Variants in ABCB11 observed in about 807,000 individuals in gnomAD.
ABCB11 encodes bile salt export pump.
Under a neutral mutation model 148.0 loss-of-function variants are expected in ABCB11, and 95 were observed. That is an observed-to-expected ratio of 0.64 (90% CI 0.54 to 0.76). The LOEUF (loss-of-function observed/expected upper bound fraction) is 0.76, where lower values mean the gene tolerates loss of function less well. Ranked by LOEUF, ABCB11 falls within the 30% of genes least tolerant of loss-of-function variation. The pLI is 0.00. For synonymous variants in ABCB11, 591 were observed against 555.4 expected, an observed-to-expected ratio of 1.06 and a Z score of -0.90; for missense variants, 1,523 against 1,617.8, an observed-to-expected ratio of 0.94 and a Z score of 1.01.
Position 168,993,761 on chromosome 2 carries a change from T to C in ABCB11, c.733A>G (p.Ile245Val), listed in dbSNP as rs370060847. 1 of 1,610,474 alleles carries C rather than the reference T, an allele frequency of 6.2e-7. No individual in the cohort carries two copies. The highest frequency in any genetic ancestry group is 8.5e-7 in the Non-Finnish European group (1 of 1,178,204). ...FFRGWKLTLV[I>V]ISVSPLIGIG... ...CCAATGAGAGGGCTGACAGAAATAATAACCAAGGTCAGTTTCCAACCCCTG... is the reference window on the plus strand; with the variant it reads ...CCAATGAGAGGGCTGACAGAAATAACAACCAAGGTCAGTTTCCAACCCCTG... The change falls in exon 8 of 28, where the codon ATT becomes GTT. Residue 245 changes from isoleucine (I) to valine (V), a missense_variant. Ile to Val is a conservative substitution (Grantham distance 29, BLOSUM62 3). Transcript: ENST00000650372.
rs769843373 is a variant in ABCB11 at position 168,973,716 on chromosome 2, A to G, written c.1433T>C (p.Met478Thr). The change falls in exon 13 of 28, where the codon ATG (methionine) becomes ACG (threonine). Residue 478 changes from methionine (M) to threonine (T), a missense_variant and splice_region_variant. By Grantham distance (81) the Met-to-Thr change is moderately conservative (BLOSUM62 -1). Transcript: ENST00000650372. ...IQRFYDPCEG[M>T]VTVDGHDIRS... ...GAGGAGTTTCTGGAAGACACCCACCATTCCTTCACAGGGGTCATAGAATCG... is the reference window on the plus strand; with the variant it reads ...GAGGAGTTTCTGGAAGACACCCACCGTTCCTTCACAGGGGTCATAGAATCG... 9 of 1,611,588 alleles carry G rather than the reference A, an allele frequency of 5.6e-6. No individual in the cohort carries two copies. Among genetic ancestry groups the G allele is most frequent in the Non-Finnish European group, 7.6e-6 (9 of 1,178,232 alleles).
rs201255929 is a variant in ABCB11 at position 168,964,234 on chromosome 2, T to C, written c.2150A>G (p.His717Arg). The change falls in exon 18 of 28, where the codon CAT (histidine) becomes CGT (arginine). Residue 717 changes from histidine (H) to arginine (R), a missense_variant. Transcript: ENST00000650372. ...VHEPPLAVVD[H>R]KSTYEEDRKD... ...TCTATCTTCTTCATAGGTAGACTTA[T>C]GATCTACAACAGCTAATGGAGGTTC... 3.2e-6 allele frequency: 5 copies of C among 1,564,002 alleles called. No individual in the cohort carries two copies. In the East Asian group the frequency reaches 1.2e-4, roughly 37 times the overall value.
At chr2:168,948,538 A>G (rs3897807) in intron 19 of ABCB11, among the ~76,000 whole-genome samples, 8,320 of 151,614 alleles carry the variant, frequency 0.055, 583 homozygotes, top group African/African-American at 0.17. Flanking sequence ...ACAGACTGAA[A>G]ACTCCACTAG....
intron 19 of ABCB11, among the ~76,000 whole-genome samples, chr2:168,951,898 T>C (rs1180861039): frequency 6.6e-6 from 1 of 151,722 alleles, no homozygotes; most frequent in Non-Finnish European, 1.5e-5. Context: ...GCTTTTATTA[T>C]GTCGAAGTAT....
chr2:168,971,843 G>T lies in ABCB11; in HGVS notation c.1638+4C>A, dbSNP rs774826287. On this transcript the variant is annotated splice_donor_region_variant and intron_variant, in intron 14 of 27. Coordinates refer to ENST00000650372, the MANE Select transcript of ABCB11 (RefSeq NM_003742.4). ...TTCTCCCAGGAATGTATGGCTAGGG[G>T]TACCTGTGGCAGGTCCATGATGAAG... 1 of 1,612,208 alleles carries T rather than the reference G, an allele frequency of 6.2e-7. No individual in the cohort carries two copies. The highest frequency in any genetic ancestry group is 1.1e-5 in the South Asian group (1 of 91,024).
chr2:169,013,227 A>T, intron 5 of ABCB11, 45 bp downstream of exon 5: 1 of 1,432,464 alleles, frequency 7.0e-7, no homozygotes, highest in Non-Finnish European at 9.6e-7. Flanking sequence ...TTACAATTTA[A>T]GATATGAGCA....
intron 22 of ABCB11, among the ~76,000 whole-genome samples, chr2:168,935,677 C>T (rs374756575): frequency 3.3e-5 from 5 of 152,192 alleles, no homozygotes; most frequent in African/African-American, 7.2e-5. Context: ...TCATTTACCC[C>T]CCAAGGACAA....
rs11568358 is a variant in ABCB11 at position 168,993,798 on chromosome 2, C to T, written c.696G>A (p.Leu232=). 1 of 1,611,486 alleles carries T rather than the reference C, an allele frequency of 6.2e-7. No individual in the cohort carries two copies. The highest frequency in any genetic ancestry group is 8.5e-7 in the Non-Finnish European group (1 of 1,178,628). The change falls in exon 8 of 28, where the codon CTG becomes CTA. Residue 232 remains leucine (L), a synonymous_variant. Coordinates refer to ENST00000650372, the MANE Select transcript of ABCB11 (RefSeq NM_003742.4). The part of the protein sequence containing the change: ...QRMTSTICGF[L]LGFFRGWKLT... The stretch of plus-strand genomic sequence containing the variant: ...GTTTCCAACCCCTGAAAAATCCCAA[C>T]AGGAAACCACAGATGGTCGAGGTCA...
chr2:168,969,231 T>C, intron 16 of ABCB11, 119 bp downstream of exon 16: 3 of 924,046 alleles, frequency 3.2e-6, no homozygotes, highest in Non-Finnish European at 4.9e-6. Flanking sequence ...TTACCATCTA[T>C]ATAACGCCTG....
intron 3 of ABCB11, 27 bp from the exon 4 acceptor site, chr2:169,014,381 A>C (rs1695290434): frequency 6.2e-7 from 1 of 1,603,558 alleles, no homozygotes; most frequent in African/African-American, 1.3e-5. Context: ...AAGGATTTAA[A>C]GACCACCCTT....
intron 5 of ABCB11, among the ~76,000 whole-genome samples, chr2:169,007,564 T>C (rs1197676015): frequency 2.0e-5 from 3 of 152,212 alleles, no homozygotes; most frequent in South Asian, 2.1e-4. Flanking sequence ...GCACTTCACA[T>C]GGCCAGAGCC....
intron 11 of ABCB11, among the ~76,000 whole-genome samples, chr2:168,977,755 A>G (rs928253254): frequency 1.3e-5 from 2 of 152,164 alleles, no homozygotes; most frequent in Admixed American, 6.5e-5. Context: ...CATGTCTTAC[A>G]TGGTGGCAGG....
chr2:169,002,394 T>C (rs928822692), intron 5 of ABCB11, among the ~76,000 whole-genome samples: 4 of 152,150 alleles, frequency 2.6e-5, no homozygotes, highest in African/African-American at 9.7e-5. Context: ...TGTATGTAGG[T>C]TCCTCAAAAA....
intron 13 of ABCB11, 117 bp downstream of exon 13, chr2:168,973,598 G>A: frequency 2.3e-6 from 3 of 1,282,592 alleles, no homozygotes; most frequent in Non-Finnish European, 3.2e-6. Context: ...AAATCATTAA[G>A]TTAACTATGC....
chr2:168,980,089 CT>C (rs1207961346), intron 10 of ABCB11, 110 bp from the exon 11 acceptor site: 1 of 618,092 alleles, frequency 1.6e-6, no homozygotes, highest in Non-Finnish European at 2.9e-6. Flanking sequence ...AAATTCTCTT[CT>C]GTGGGTTCAA....
At chr2:168,946,399 T>C (rs1692321626) in intron 19 of ABCB11, among the ~76,000 whole-genome samples, 1 of 151,762 alleles carries the variant, frequency 6.6e-6, no homozygotes, top group African/African-American at 2.4e-5. Context: ...GTTCAAATTA[T>C]GGCAAATTAC....
At chr2:169,021,045 C>T (rs1695523470) in intron 1 of ABCB11, among the ~76,000 whole-genome samples, 2 of 152,008 alleles carry the variant, frequency 1.3e-5, no homozygotes, top group Non-Finnish European at 2.9e-5. Context: ...TCACTGCAAC[C>T]TCCACCTCTT....
Position 168,932,485 on chromosome 2 carries a change from G to A in ABCB11, c.3105C>T (p.Phe1035=). Residue 1035 remains phenylalanine, a synonymous_variant, in exon 24 of 28, where the codon TTC becomes TTT. Coordinates refer to ENST00000650372, the MANE Select transcript of ABCB11 (RefSeq NM_003742.4). ...CTTTTGCATAACTTGGGGTGTAAGA[G>A]AAGGCTCTTCCAAGAGCTGTTGCAC... ...VLSATALGRA[F]SYTPSYAKAK... is the part of the protein sequence containing the mutation. The A allele has an allele frequency of 6.2e-7, 1 of 1,613,702 alleles. No homozygotes were observed. Among genetic ancestry groups the A allele is most frequent in the Non-Finnish European group, 8.5e-7 (1 of 1,179,784 alleles).
intron 18 of ABCB11, among the ~76,000 whole-genome samples, chr2:168,963,406 T>C (rs74361153): frequency 0.012 from 1,749 of 151,628 alleles, 31 homozygotes; most frequent in African/African-American, 0.04. Context: ...GCCATGAAAA[T>C]TTTCTAACGA....
Sources: gnomAD v4.1 joint callset for allele counts (sites outside exome capture counted in the v4.1 genomes callset) on GRCh38, gnomAD v4.1.1 for gene constraint, MANE v1.5 for transcripts, NCBI Gene and HGNC (gene_info 2026-07-23, HGNC 2026-07-21) for gene names.